Variants in KCNQ3 observed in about 807,000 individuals in gnomAD.
The protein encoded by KCNQ3 is potassium voltage-gated channel subfamily KQT member 3.
KCNQ3 carries 30 observed loss-of-function variants against 92.5 expected under a neutral mutation model. The ratio of observed to expected loss-of-function variants is 0.32; its 90% CI spans 0.24 to 0.44. The LOEUF (loss-of-function observed/expected upper bound fraction) is 0.44, where lower values mean the gene tolerates loss of function less well. KCNQ3 is among the 20% of genes least tolerant of loss of function. KCNQ3 has a pLI of 1.00. For missense variants in KCNQ3, 913 were observed against 1,140.3 expected, an observed-to-expected ratio of 0.80 and a Z score of 2.87; for synonymous variants, 450 against 468.8, an observed-to-expected ratio of 0.96 and a Z score of 0.52.
At chr8:132,352,361 G>A (rs1301762234) in intron 1 of KCNQ3, among the ~76,000 whole-genome samples, 1 of 152,150 alleles carries the variant, frequency 6.6e-6, no homozygotes, top group South Asian at 2.1e-4. Context: ...ATCGTCTAGT[G>A]TGCAAGGATG....
chr8:132,389,243 G>T (rs1819984833), intron 1 of KCNQ3, among the ~76,000 whole-genome samples: 1 of 152,156 alleles, frequency 6.6e-6, no homozygotes. Context: ...GATTATCTGA[G>T]GTCAGGAGTT....
At chr8:132,297,122 G>T (rs1817056627) in intron 1 of KCNQ3, among the ~76,000 whole-genome samples, 2 of 152,170 alleles carry the variant, frequency 1.3e-5, no homozygotes, top group South Asian at 2.1e-4. Flanking sequence ...GTTTTGATTT[G>T]CATTTCTCTG....
chr8:132,172,130 T>A (rs1826385849), intron 7 of KCNQ3, among the ~76,000 whole-genome samples: 1 of 151,876 alleles, frequency 6.6e-6, no homozygotes, highest in South Asian at 2.1e-4. Flanking sequence ...GAGGCTGCAG[T>A]GAGCTATGAT....
rs937974312 is a variant in KCNQ3, at chr8:132,133,645, T to C, written c.1799+645A>G. ...CTGGGATTACAGGCGTAAGCCACCA[T>C]GCCCGGCCTCTTGATTCTTTTATAA... is the stretch of plus-strand genomic sequence containing the variant. On this transcript the variant is annotated intron_variant, in intron 13 of 14. Transcript: ENST00000388996. Among the ~76,000 whole-genome samples the C allele has an allele frequency of 2.0e-5, 3 of 152,304 alleles. No homozygotes were observed. The South Asian group carries it at 6.2e-4, about 32-fold the overall frequency.
At chr8:132,300,101 C>T (rs1362008094) in intron 1 of KCNQ3, among the ~76,000 whole-genome samples, 1 of 152,152 alleles carries the variant, frequency 6.6e-6, no homozygotes, top group Non-Finnish European at 1.5e-5. Context: ...ATGCCTGCAA[C>T]ACAGCAAACA....
Position 132,480,168 on chromosome 8 carries a change from G to A in KCNQ3, c.365C>T (p.Ala122Val). 1.2e-6 allele frequency: 2 copies of A among 1,612,324 alleles called. No homozygotes were observed. The highest frequency in any genetic ancestry group is 1.7e-6 in the Non-Finnish European group (2 of 1,179,046). ...TCACACCAACGCGTGGTAAAGCAGC[G>A]CCCAGCCCCGCGGTCTCTCCAGGGC... is the stretch of plus-strand genomic sequence containing the variant. ...YDALERPRGW[A>V]LLYHALVFLI... The change falls in exon 1 of 15, where the codon GCG (alanine) becomes GTG (valine). Residue 122 changes from alanine to valine, a missense_variant. Around this residue, in one of 6 missense-constraint regions of KCNQ3, gnomAD observed 100 missense variants for 217.6 expected, o/e 0.46. Coordinates refer to ENST00000388996, the MANE Select transcript of KCNQ3 (RefSeq NM_004519.4).
chr8:132,365,688 T>C (rs1819302352), intron 1 of KCNQ3, among the ~76,000 whole-genome samples: 1 of 152,218 alleles, frequency 6.6e-6, no homozygotes, highest in Non-Finnish European at 1.5e-5. Context: ...AAACAGAATC[T>C]GGAACAAAAT....
At chr8:132,186,474 C>A (rs1019746761) in intron 1 of KCNQ3, 15 of 396,022 alleles carry the variant, frequency 3.8e-5, no homozygotes, top group African/African-American at 2.9e-4. Context: ...CTGGTTCCAA[C>A]CTCGAGGACA....
intron 9 of KCNQ3, among the ~76,000 whole-genome samples, chr8:132,160,352 T>C (rs1326274683): frequency 6.6e-6 from 1 of 152,036 alleles, no homozygotes; most frequent in East Asian, 1.9e-4. Context: ...TCTTCAGTGT[T>C]TGACTTAGTT....
intron 1 of KCNQ3, among the ~76,000 whole-genome samples, chr8:132,218,125 T>G (rs1375803456): frequency 6.6e-6 from 1 of 152,160 alleles, no homozygotes; most frequent in Non-Finnish European, 1.5e-5. Context: ...CCATGGTCCT[T>G]GCCTGTACCC....
chr8:132,412,510 TA>T (rs1470901474), intron 1 of KCNQ3, among the ~76,000 whole-genome samples: 3 of 152,202 alleles, frequency 2.0e-5, no homozygotes. Context: ...TGAAATGTTT[TA>T]AACAGGAAAC....
intron 1 of KCNQ3, among the ~76,000 whole-genome samples, chr8:132,220,775 T>G (rs1329791448): frequency 6.6e-6 from 1 of 151,604 alleles, no homozygotes; most frequent in Non-Finnish European, 1.5e-5. Flanking sequence ...AAATAAAAAA[T>G]TAAAAAATAA....
At chr8:132,439,251 A>G (rs1821469723) in intron 1 of KCNQ3, among the ~76,000 whole-genome samples, 1 of 151,922 alleles carries the variant, frequency 6.6e-6, no homozygotes, top group African/African-American at 2.4e-5. Context: ...CGGAAATTCA[A>G]TTCATCCCAG....
chr8:132,403,574 A>G (rs1820404334), intron 1 of KCNQ3, among the ~76,000 whole-genome samples: 1 of 152,224 alleles, frequency 6.6e-6, no homozygotes, highest in Non-Finnish European at 1.5e-5. Context: ...CCCTATAAGG[A>G]ACACCAATGA....
chr8:132,475,658 T>A (rs1370003301), intron 1 of KCNQ3, among the ~76,000 whole-genome samples: 1 of 152,240 alleles, frequency 6.6e-6, no homozygotes, highest in East Asian at 1.9e-4. Flanking sequence ...CATTCAGTTA[T>A]GTGCGTTCAC....
At chr8:132,410,073 G>C (rs1820608536) in intron 1 of KCNQ3, among the ~76,000 whole-genome samples, 1 of 152,186 alleles carries the variant, frequency 6.6e-6, no homozygotes, top group Non-Finnish European at 1.5e-5. Context: ...TGGCTGCAGT[G>C]AGCTGTGATG....
intron 1 of KCNQ3, among the ~76,000 whole-genome samples, chr8:132,476,388 C>A (rs1455833801): frequency 1.3e-5 from 2 of 152,212 alleles, no homozygotes; most frequent in African/African-American, 4.8e-5. Flanking sequence ...GGAAAAGCCA[C>A]AGGTACTCAA....
chr8:132,426,907 G>A (rs1370022425), intron 1 of KCNQ3, among the ~76,000 whole-genome samples: 3 of 152,116 alleles, frequency 2.0e-5, no homozygotes, highest in African/African-American at 7.2e-5. Flanking sequence ...AGAAGGGATA[G>A]GCTAGATCCC....
At chr8:132,293,853 A>G (rs776807040) in intron 1 of KCNQ3, among the ~76,000 whole-genome samples, 41 of 152,180 alleles carry the variant, frequency 2.7e-4, no homozygotes, top group Admixed American at 8.5e-4. Flanking sequence ...TTGCTCATGT[A>G]TCTTGGGATT....
Sources: allele counts gnomAD v4.1 joint callset (sites outside exome capture counted in the v4.1 genomes callset), GRCh38; gene constraint gnomAD v4.1.1; regional missense constraint gnomAD v4.1.1; transcripts MANE v1.5; gene names NCBI Gene and HGNC (gene_info 2026-07-23, HGNC 2026-07-21).